The following ZNF431 variants were observed in gnomAD, a reference collection of about 807,000 sequenced individuals.
ZNF431 encodes zinc finger protein 431.
Under a neutral mutation model 57.0 loss-of-function variants are expected in ZNF431, and 34 were observed. The observed-to-expected ratio is 0.60, with a 90% confidence interval of 0.45 to 0.79. The LOEUF (loss-of-function observed/expected upper bound fraction) is 0.79. Among genes scored for constraint, ZNF431 ranks in the 30% least tolerant of loss-of-function variants. The pLI, the probability that ZNF431 is intolerant of heterozygous loss-of-function variation, is 0.00. For missense variants in ZNF431, 607 were observed against 667.1 expected (o/e 0.91, Z 0.99); for synonymous variants, 207 against 220.3 (o/e 0.94, Z 0.54).
chr19:21,160,327 A>C (rs1202131845), intron 2 of ZNF431, among the ~76,000 whole-genome samples: 3 of 152,186 alleles, frequency 2.0e-5, no homozygotes, highest in African/African-American at 7.2e-5. Context: ...CCAGGTGTAA[A>C]TAGAGTCTGA....
At chr19:21,150,833 AC>A (rs1177868530) in intron 2 of ZNF431, among the ~76,000 whole-genome samples, 1 of 152,042 alleles carries the variant, frequency 6.6e-6, no homozygotes, top group African/African-American at 2.4e-5. Flanking sequence ...AATTTCTGAT[AC>A]CCCCCAAAGT....
chr19:21,175,371 T>G, intron 4 of ZNF431: 1 of 677,548 alleles, frequency 1.5e-6, no homozygotes, highest in Non-Finnish European at 2.6e-6. Flanking sequence ...TTAAAATGAC[T>G]GCTTAAAGAT....
chr19:21,184,088 G>A lies in ZNF431; in HGVS notation c.*54G>A. ...ATATTGGCCGGGTGCGGTGGCTTAT[G>A]CAAAATGGCTCCCAGCATTTTGGGA... On this transcript the variant is annotated 3_prime_UTR_variant, in exon 5 of 5. Coordinates refer to ENST00000311048, the MANE Select transcript of ZNF431 (RefSeq NM_133473.4). 6.8e-7 allele frequency: 1 copy of A among 1,470,016 alleles called. No individual in the cohort carries two copies. Among genetic ancestry groups the A allele is most frequent in the Non-Finnish European group, 9.1e-7 (1 of 1,101,570 alleles). 91.1% of individuals were successfully genotyped at this position (1,470,016 alleles called of 1,614,324 possible). A position where few individuals can be genotyped will look rare whatever the true frequency, so the allele number is the denominator to read the frequency against.
chr19:21,153,869 A>C (rs1970345411), intron 2 of ZNF431, among the ~76,000 whole-genome samples: 2 of 151,782 alleles, frequency 1.3e-5, no homozygotes, highest in South Asian at 2.1e-4. Flanking sequence ...GGCGCCCACC[A>C]CCATGCCCGT....
chr19:21,147,985 A>G (rs1970151040), intron 2 of ZNF431, among the ~76,000 whole-genome samples: 1 of 151,446 alleles, frequency 6.6e-6, no homozygotes, highest in African/African-American at 2.4e-5. Flanking sequence ...CCCAATTCTT[A>G]GTGAATTTTT....
rs1373097556 is a variant in ZNF431 at position 21,142,041 on chromosome 19, T to C, written c.-143T>C. 2 of 1,085,114 alleles carry C rather than the reference T, an allele frequency of 1.8e-6. No homozygotes were observed. The highest frequency in any genetic ancestry group is 2.1e-5 in the Admixed American group (1 of 48,222). 67.2% of individuals were successfully genotyped at this position (1,085,114 alleles called of 1,614,324 possible). A position where few individuals can be genotyped will look rare whatever the true frequency, so the allele number is the denominator to read the frequency against. On this transcript the variant is annotated 5_prime_UTR_variant, in exon 1 of 5. Transcript: ENST00000311048. Reference sequence around the variant, plus strand: ...CTTCCGGGATGTGGCGGGGCCTTTGTCTCTCGCCGCAGCCTGAGCTCCAGG... The same window carrying C: ...CTTCCGGGATGTGGCGGGGCCTTTGCCTCTCGCCGCAGCCTGAGCTCCAGG...
intron 2 of ZNF431, among the ~76,000 whole-genome samples, chr19:21,155,215 A>G (rs1474428576): frequency 6.6e-6 from 1 of 152,150 alleles, no homozygotes; most frequent in Admixed American, 6.5e-5. Flanking sequence ...TAAGGAAAGG[A>G]TCCAGTTTCA....
intron 4 of ZNF431, among the ~76,000 whole-genome samples, chr19:21,170,661 T>G (rs542605657): frequency 1.3e-5 from 2 of 151,750 alleles, no homozygotes; most frequent in African/African-American, 4.8e-5. Flanking sequence ...CTTTTCTTTT[T>G]TTTTTCTTTT....
chr19:21,180,559 T>C (rs1372481330), intron 4 of ZNF431, among the ~76,000 whole-genome samples: 1 of 152,250 alleles, frequency 6.6e-6, no homozygotes, highest in Non-Finnish European at 1.5e-5. Context: ...TTCTTTCTCA[T>C]TTGTTTTGTG....
Position 21,161,874 on chromosome 19 carries a change from G to A in ZNF431, c.97-4461G>A, listed in dbSNP as rs141293551. 3.0e-3 allele frequency among the ~76,000 whole-genome samples: 462 copies of A among 152,154 alleles called. 1 individual carries two copies. Among genetic ancestry groups the A allele is most frequent in the Non-Finnish European group, 4.7e-3 (321 of 68,002 alleles). ...TCTCCATGTTGGTAAGACTGATCTC[G>A]AACTCCCGACCTCAGGTGATTTTCC... On this transcript the variant is annotated intron_variant, in intron 2 of 4. Transcript: ENST00000311048.
chr19:21,179,594 T>C (rs1222223902), intron 4 of ZNF431, among the ~76,000 whole-genome samples: 1 of 149,896 alleles, frequency 6.7e-6, no homozygotes, highest in Non-Finnish European at 1.5e-5. Flanking sequence ...GGAGTCTCGC[T>C]CTGACCCCAG....
intron 4 of ZNF431, chr19:21,175,350 TTAAC>T (rs1205600766): frequency 1.0e-5 from 7 of 671,548 alleles, no homozygotes; most frequent in Middle Eastern, 3.3e-4. Context: ...ATTAAGTAAT[TTAAC>T]TAATTTTTAA....
rs1969953811 is a variant in ZNF431 at position 21,142,079 on chromosome 19, T to C, written c.-105T>C. ...CCTGAGCTCCAGGTCTCCCCTTCGC[T>C]GCTCTGTGTCCTCTGCTCCTAGAGG... is the stretch of plus-strand genomic sequence containing the variant. On this transcript the variant is annotated 5_prime_UTR_variant, in exon 1 of 5. Coordinates refer to ENST00000311048, the MANE Select transcript of ZNF431 (RefSeq NM_133473.4). 6.7e-7 allele frequency: 1 copy of C among 1,491,916 alleles called. No homozygotes were observed. Among genetic ancestry groups the C allele is most frequent in the South Asian group, 1.2e-5 (1 of 86,562 alleles). The allele number at this position is 1,491,916 out of a possible 1,614,324, so 92.4% of individuals were successfully genotyped here. A position where few individuals can be genotyped will look rare whatever the true frequency, so the allele number is the denominator to read the frequency against.
At chr19:21,178,967 C>G (rs1169788777) in intron 4 of ZNF431, among the ~76,000 whole-genome samples, 1 of 152,022 alleles carries the variant, frequency 6.6e-6, no homozygotes, top group Non-Finnish European at 1.5e-5. Context: ...CTCTTTGTGC[C>G]TCTGGTAGAA....
In ZNF431 at chr19:21,188,734, G is replaced by A. The variant is rs559281759; in HGVS notation, c.*4700G>A. The A allele has an allele frequency of 3.9e-5, 6 of 152,210 alleles. No homozygotes were observed. Among genetic ancestry groups the A allele is most frequent in the South Asian group, 2.1e-4 (1 of 4,828 alleles). 9.4% of individuals were successfully genotyped at this position (152,210 alleles called of 1,614,324 possible). A position where few individuals can be genotyped will look rare whatever the true frequency, so the allele number is the denominator to read the frequency against. On this transcript the variant is annotated 3_prime_UTR_variant, in exon 5 of 5. Transcript: ENST00000311048. Reference sequence around the variant, plus strand: ...AAAAACATTTGGAGATCATGACAGCGTTTGGATTAAAACATTTCTGTTACT... The same window carrying A: ...AAAAACATTTGGAGATCATGACAGCATTTGGATTAAAACATTTCTGTTACT...
At chr19:21,164,273 G>C (rs1358198442) in intron 2 of ZNF431, among the ~76,000 whole-genome samples, 1 of 152,050 alleles carries the variant, frequency 6.6e-6, no homozygotes, top group Non-Finnish European at 1.5e-5. Context: ...CTAAAGGGTG[G>C]TCACAGGGCC....
rs1971492943 is a variant in ZNF431 at position 21,190,740 on chromosome 19, G to C, written c.*6706G>C. ...TGCAATGGCACAATCTCGGCTCACT[G>C]CAACCCTTGCCTCCCGGATCAAGTG... is the stretch of plus-strand genomic sequence containing the variant. On this transcript the variant is annotated 3_prime_UTR_variant, in exon 5 of 5. Coordinates refer to ENST00000311048, the MANE Select transcript of ZNF431 (RefSeq NM_133473.4). 1 of 148,466 alleles carries C rather than the reference G, an allele frequency of 6.7e-6. No individual in the cohort carries two copies. Among genetic ancestry groups the C allele is most frequent in the South Asian group, 2.1e-4 (1 of 4,756 alleles). The allele number at this position is 148,466 out of a possible 1,614,324, so 9.2% of individuals were successfully genotyped here. A position where few individuals can be genotyped will look rare whatever the true frequency, so the allele number is the denominator to read the frequency against.
chr19:21,149,851 G>T, intron 2 of ZNF431: 1 of 652,162 alleles, frequency 1.5e-6, no homozygotes, highest in Non-Finnish European at 2.9e-6. Context: ...CAGTGGTGCA[G>T]GTCTTCCTGT....
At chr19:21,169,002 C>T (rs1392524713) in intron 4 of ZNF431, among the ~76,000 whole-genome samples, 1 of 152,056 alleles carries the variant, frequency 6.6e-6, no homozygotes, top group East Asian at 1.9e-4. Flanking sequence ...ACCTCTGCAT[C>T]CTAGGTTCAA....
Sources: gnomAD v4.1 joint callset for allele counts (sites outside exome capture counted in the v4.1 genomes callset) on GRCh38, gnomAD v4.1.1 for gene constraint, MANE v1.5 for transcripts, NCBI Gene and HGNC (gene_info 2026-07-23, HGNC 2026-07-21) for gene names.